TMEM51: variants seen among roughly 807,000 people sequenced by gnomAD.
TMEM51 encodes the protein chromosome 1 open reading frame 72.
A neutral mutation model predicts 13.6 loss-of-function variants in TMEM51; 8 were observed. That is an observed-to-expected ratio of 0.59 (90% CI 0.35 to 1.07). The LOEUF (loss-of-function observed/expected upper bound fraction) is 1.07. TMEM51 is among the 50% of genes least tolerant of loss of function. The pLI, the probability that TMEM51 is intolerant of heterozygous loss-of-function variation, is 0.02. For missense variants in TMEM51, 279 were observed against 330.7 expected (o/e 0.84, Z 1.21); for synonymous variants, 147 against 144.4 (o/e 1.02, Z -0.13).
intron 1 of TMEM51, among the ~76,000 whole-genome samples, chr1:15,154,965 A>G (rs1353647559): frequency 6.6e-6 from 1 of 152,144 alleles, no homozygotes; most frequent in Non-Finnish European, 1.5e-5. Flanking sequence ...TTTCCCCTCT[A>G]GGACCGGCCG....
At chr1:15,210,391 C>G (rs1240084750) in intron 1 of TMEM51, 99 bp from the exon 2 acceptor site, 1 of 152,086 alleles carries the variant, frequency 6.6e-6, no homozygotes, top group Non-Finnish European at 1.5e-5. Context: ...CCCTTTTCCC[C>G]CTAAAAAACA....
intron 1 of TMEM51, among the ~76,000 whole-genome samples, chr1:15,197,982 A>G (rs934420108): frequency 1.3e-5 from 2 of 151,366 alleles, no homozygotes; most frequent in Admixed American, 6.6e-5. Flanking sequence ...AGCAGATTCA[A>G]TAAGATAAAC....
intron 1 of TMEM51, among the ~76,000 whole-genome samples, chr1:15,166,270 G>A (rs1240866943): frequency 6.6e-6 from 1 of 152,152 alleles, no homozygotes; most frequent in East Asian, 1.9e-4. Context: ...AGGTGCTTTG[G>A]GAACTGTAGA....
intron 1 of TMEM51, among the ~76,000 whole-genome samples, chr1:15,174,115 G>A (rs1573393889): frequency 6.6e-6 from 1 of 152,326 alleles, no homozygotes; most frequent in African/African-American, 2.4e-5. Flanking sequence ...AAATCAGGGC[G>A]GGAACTTCGA....
chr1:15,184,021 CCTT>C (rs1177900979), intron 1 of TMEM51, among the ~76,000 whole-genome samples: 6 of 152,162 alleles, frequency 3.9e-5, no homozygotes, highest in Non-Finnish European at 8.8e-5. Context: ...TCTTTCCTTT[CCTT>C]CTTCTTTCCT....
At chr1:15,171,271 G>T (rs1160323913) in intron 1 of TMEM51, 5 of 1,304,272 alleles carry the variant, frequency 3.8e-6, no homozygotes, top group Admixed American at 4.6e-5. Context: ...CAGAGTGGAT[G>T]ACGGCATCCT....
At chr1:15,153,527 C>T (rs1037756466), upstream of TMEM51, among the ~76,000 whole-genome samples, 5 of 59,032 alleles carry the variant, frequency 8.5e-5, no homozygotes, top group Non-Finnish European at 1.4e-4. Flanking sequence ...GAACTTAGGC[C>T]CAGCCCCCGG....
chr1:15,200,794 G>C (rs1257850228), intron 1 of TMEM51, among the ~76,000 whole-genome samples: 2 of 152,118 alleles, frequency 1.3e-5, no homozygotes, highest in Non-Finnish European at 2.9e-5. Flanking sequence ...AGCTGCAGGG[G>C]ACTGAATGAC....
At chr1:15,203,629 A>C (rs1377284967) in intron 1 of TMEM51, among the ~76,000 whole-genome samples, 1 of 152,214 alleles carries the variant, frequency 6.6e-6, no homozygotes, top group East Asian at 1.9e-4. Context: ...ACCATACCAC[A>C]GACTCTAATG....
At chr1:15,193,575 C>CTTTCTTTCTTTTTTTTTTTT (rs1249772503) in intron 1 of TMEM51, among the ~76,000 whole-genome samples, 1 of 114,656 alleles carries the variant, frequency 8.7e-6, no homozygotes, top group African/African-American at 3.6e-5. Context: ...TTCTTTCTTT[C>CTTTCTTTCTTTTTTTTTTTT]TTTTTTTTTT....
chr1:15,155,224 T>G (rs1364641898), intron 1 of TMEM51, among the ~76,000 whole-genome samples: 1 of 150,228 alleles, frequency 6.7e-6, no homozygotes, highest in East Asian at 2.0e-4. Context: ...GCTTCGGAGC[T>G]GACAGCTCTC....
intron 1 of TMEM51, among the ~76,000 whole-genome samples, chr1:15,174,193 G>A (rs767293773): frequency 2.0e-5 from 3 of 152,158 alleles, no homozygotes; most frequent in African/African-American, 4.8e-5. Flanking sequence ...TGACATGCAG[G>A]GTTCTGTGCC....
intron 1 of TMEM51, among the ~76,000 whole-genome samples, chr1:15,173,741 T>G (rs1643371916): frequency 6.6e-6 from 1 of 152,172 alleles, no homozygotes; most frequent in South Asian, 2.1e-4. Context: ...CTAGTTCTGT[T>G]TATCTAAAAA....
intron 1 of TMEM51, among the ~76,000 whole-genome samples, chr1:15,181,094 A>G (rs1186354922): frequency 2.0e-5 from 3 of 152,128 alleles, no homozygotes; most frequent in Admixed American, 1.3e-4. Context: ...TCCCTCTTCT[A>G]CCAGCTGTGG....
chr1:15,194,424 C>T (rs983691414), intron 1 of TMEM51, among the ~76,000 whole-genome samples: 93 of 152,320 alleles, frequency 6.1e-4, no homozygotes, highest in African/African-American at 2.1e-3. Flanking sequence ...AGCTCAGCCC[C>T]GCATTGTCCA....
intron 1 of TMEM51, among the ~76,000 whole-genome samples, chr1:15,202,369 G>A (rs1455935785): frequency 2.0e-5 from 3 of 152,174 alleles, no homozygotes; most frequent in African/African-American, 4.8e-5. Flanking sequence ...AGTTGCCTGG[G>A]TCTGCCATAA....
At chr1:15,160,023 C>T in intron 1 of TMEM51, among the ~76,000 whole-genome samples, 1 of 152,202 alleles carries the variant, frequency 6.6e-6, no homozygotes, top group Non-Finnish European at 1.5e-5. Context: ...ATGTGCAGTT[C>T]TGGATGTCTC....
At chr1:15,175,037 C>T (rs563076220) in intron 1 of TMEM51, among the ~76,000 whole-genome samples, 1 of 152,310 alleles carries the variant, frequency 6.6e-6, no homozygotes, top group East Asian at 1.9e-4. Context: ...AATCCTCTGT[C>T]CCCTTCATCT....
intron 1 of TMEM51, chr1:15,192,460 C>CT: frequency 6.4e-5 from 1 of 15,644 alleles, no homozygotes; most frequent in Non-Finnish European, 1.1e-4. Context: ...CTTTTCTTTT[C>CT]CTTTTTTTTT....
Sources: allele counts gnomAD v4.1 joint callset (sites outside exome capture counted in the v4.1 genomes callset), GRCh38; gene constraint gnomAD v4.1.1; transcripts MANE v1.5; gene names NCBI Gene and HGNC (gene_info 2026-07-23, HGNC 2026-07-21).